NAP1L1: variants seen among roughly 807,000 people sequenced by gnomAD.
NAP1L1 encodes nucleosome assembly protein 1 like 1.
Under a neutral mutation model 58.9 loss-of-function variants are expected in NAP1L1, and 9 were observed. The observed-to-expected ratio is 0.15, with a 90% CI of 0.09 to 0.27. The LOEUF (loss-of-function observed/expected upper bound fraction) is 0.27, where lower values mean the gene tolerates loss of function less well. Ranked by LOEUF, NAP1L1 falls within the 10% of genes least tolerant of loss-of-function variation. The pLI, the probability that NAP1L1 is intolerant of heterozygous loss-of-function variation, is 1.00. For synonymous variants in NAP1L1, 130 were observed against 138.3 expected (o/e 0.94, Z 0.42); for missense variants, 302 against 458.8 (o/e 0.66, Z 3.12).
At chr12:76,083,652 A>G (rs1235869373) in intron 1 of NAP1L1, among the ~76,000 whole-genome samples, 1 of 152,036 alleles carries the variant, frequency 6.6e-6, no homozygotes, top group African/African-American at 2.4e-5. Flanking sequence ...CACAATAACA[A>G]CCTTTTGCTA....
At position 76,071,267 on chromosome 12, in the gene NAP1L1, A is replaced by G. The variant is rs58750945; in HGVS notation, c.18-2273T>C. Among the ~76,000 whole-genome samples the G allele has an allele frequency of 8.3e-3, 1,257 of 152,238 alleles. 16 individuals are homozygous for G. Among genetic ancestry groups the G allele is most frequent in the African/African-American group, 0.028 (1,183 of 41,544 alleles). On this transcript the variant is annotated intron_variant, in intron 2 of 14. Coordinates refer to ENST00000618691, the MANE Select transcript of NAP1L1 (RefSeq NM_004537.7). ...TTTACTGACTCTGGTTTTCAAGCAC[A>G]AGACTCCCCTCTGACTTCCACCCTC... is the stretch of plus-strand genomic sequence containing the variant.
rs1428448020 is a variant in NAP1L1 at position 76,055,486 on chromosome 12, G to A, written c.559-396C>T. On this transcript the variant is annotated intron_variant, in intron 7 of 14. Transcript: ENST00000618691. ...TTGTAATAAGCAGTAATTGTGTGAAGATCATTTCTTTTTCTCCATGTAACT... is the reference window on the plus strand; with the variant it reads ...TTGTAATAAGCAGTAATTGTGTGAAAATCATTTCTTTTTCTCCATGTAACT... 3.3e-5 allele frequency among the ~76,000 whole-genome samples: 5 copies of A among 152,268 alleles called. 1 individual carries two copies. The East Asian group carries it at 9.6e-4, about 29-fold the overall frequency.
In NAP1L1 at chr12:76,067,586, A is replaced by G. The variant is rs886417242; in HGVS notation, c.104-113T>C. 5.4e-6 allele frequency: 4 copies of G among 737,976 alleles called. No individual in the cohort carries two copies. The East Asian group carries it at 1.1e-4, about 20-fold the overall frequency. The allele number at this position is 737,976 out of a possible 1,614,324, so 45.7% of individuals were successfully genotyped here. On this transcript the variant is annotated intron_variant, in intron 3 of 14. Transcript: ENST00000618691. The stretch of plus-strand genomic sequence containing the variant: ...CCTAACTGGCCCATAAATTGCTGGT[A>G]TATCTAATGAGTAGAGACGGGCAGG...
chr12:76,074,951 C>T (rs1293936421), intron 1 of NAP1L1, among the ~76,000 whole-genome samples: 2 of 152,098 alleles, frequency 1.3e-5, no homozygotes, highest in East Asian at 3.8e-4. Flanking sequence ...GGTTACCAGA[C>T]CTGAGTAAGT....
At chr12:76,049,830 C>T (rs1308571463) in intron 12 of NAP1L1, 45 bp from the exon 13 acceptor site, 3 of 1,599,080 alleles carry the variant, frequency 1.9e-6, no homozygotes, top group Admixed American at 1.7e-5. Context: ...ATGTAACACA[C>T]ATTTCAGAGT....
chr12:76,043,868 T>G lies in NAP1L1; in HGVS notation c.*4561A>C, dbSNP rs1948573855. On this transcript the variant is annotated 3_prime_UTR_variant, in exon 15 of 15. Transcript: ENST00000618691. ...ATTTACCAGAGCCGCAATTGCCTAA[T>G]ACATTATGAATGATAAAATTATGAA... is the stretch of plus-strand genomic sequence containing the variant. The G allele has an allele frequency of 6.6e-6, 1 of 152,238 alleles. No homozygotes were observed. Among genetic ancestry groups the G allele is most frequent in the Non-Finnish European group, 1.5e-5 (1 of 68,042 alleles). 9.4% of individuals were successfully genotyped at this position (152,238 alleles called of 1,614,324 possible). A position where few individuals can be genotyped will look rare whatever the true frequency, so the allele number is the denominator to read the frequency against.
At chr12:76,081,899 C>T (rs1361203641) in intron 1 of NAP1L1, among the ~76,000 whole-genome samples, 2 of 152,186 alleles carry the variant, frequency 1.3e-5, no homozygotes, top group Non-Finnish European at 2.9e-5. Flanking sequence ...CGCTGTATTA[C>T]TCTTTGACCC....
chr12:76,070,276 C>G (rs898102868), intron 2 of NAP1L1, among the ~76,000 whole-genome samples: 2 of 152,190 alleles, frequency 1.3e-5, no homozygotes, highest in African/African-American at 4.8e-5. Flanking sequence ...GAGTGCGCCA[C>G]TGCACCTGGC....
intron 6 of NAP1L1, among the ~76,000 whole-genome samples, chr12:76,058,701 T>C (rs548631369): frequency 6.7e-6 from 1 of 149,356 alleles, no homozygotes; most frequent in African/African-American, 2.6e-5. Flanking sequence ...CTTTCTCTCT[T>C]TTTATTTTTT....
intron 1 of NAP1L1, among the ~76,000 whole-genome samples, chr12:76,075,206 C>G (rs1950126583): frequency 6.6e-6 from 1 of 152,010 alleles, no homozygotes. Flanking sequence ...AGCCTGTAAT[C>G]CCAGCTGCCC....
At chr12:76,075,194 CGAGCCTGTAATCCCAGCTGCCCAA>C (rs1432776834) in intron 1 of NAP1L1, among the ~76,000 whole-genome samples, 28 of 152,154 alleles carry the variant, frequency 1.8e-4, no homozygotes, top group East Asian at 1.2e-3. Context: ...CACAGTGGCA[CGAGCCTGTAATCCCAGCTGCCCAA>C]GAGCCTGTAA....
In NAP1L1 at chr12:76,036,606, A is replaced by C. The variant is rs1289683741; in HGVS notation, c.*11823T>G. 2.6e-5 allele frequency: 4 copies of C among 152,066 alleles called. No individual in the cohort carries two copies. Among genetic ancestry groups the C allele is most frequent in the Admixed American group, 1.3e-4 (2 of 15,278 alleles). 9.4% of individuals were successfully genotyped at this position (152,066 alleles called of 1,614,324 possible). A position where few individuals can be genotyped will look rare whatever the true frequency, so the allele number is the denominator to read the frequency against. On this transcript the variant is annotated 3_prime_UTR_variant, in exon 15 of 15. Transcript: ENST00000618691. ...GAACTTGGAAAGTTATTAAGTGTTT[A>C]ATTCATAATGATTACAAAATTCTGA...
chr12:76,058,095 G>T, intron 6 of NAP1L1: 1 of 753,024 alleles, frequency 1.3e-6, no homozygotes, highest in South Asian at 1.4e-5. Flanking sequence ...AGTAGATGAT[G>T]ACAGCATCGA....
chr12:76,079,472 C>T (rs561081170), intron 1 of NAP1L1, among the ~76,000 whole-genome samples: 1 of 152,216 alleles, frequency 6.6e-6, no homozygotes, highest in African/African-American at 2.4e-5. Flanking sequence ...TGCACTTCAA[C>T]ATACCTCCTT....
intron 6 of NAP1L1, 108 bp from the exon 7 acceptor site, chr12:76,056,269 G>T: frequency 8.8e-7 from 1 of 1,141,314 alleles, no homozygotes; most frequent in Non-Finnish European, 1.2e-6. Context: ...TACCTTCAAA[G>T]TTCTAGTCTA....
At chr12:76,074,408 T>G in intron 1 of NAP1L1, 169 bp from the exon 2 acceptor site, 1 of 961,666 alleles carries the variant, frequency 1.0e-6, no homozygotes, top group East Asian at 1.1e-4. Context: ...AACATGCAAA[T>G]TCTTCCTTAC....
Position 76,045,694 on chromosome 12 carries a change from T to C in NAP1L1, c.*2735A>G, listed in dbSNP as rs892322232. The C allele has an allele frequency of 1.2e-4, 19 of 152,206 alleles. No homozygotes were observed. The highest frequency in any genetic ancestry group is 3.8e-4 in the African/African-American group (16 of 41,572). The allele number at this position is 152,206 out of a possible 1,614,324, so 9.4% of individuals were successfully genotyped here. A position where few individuals can be genotyped will look rare whatever the true frequency, so the allele number is the denominator to read the frequency against. ...CTAATTTAAGAATCCTAAGAAATTA[T>C]ATATGTGGCTTTCAGACATCCATGT... On this transcript the variant is annotated 3_prime_UTR_variant, in exon 15 of 15. Transcript: ENST00000618691.
rs1949015757 is a variant in NAP1L1 at position 76,055,006 on chromosome 12, A to G, written c.630+13T>C. Reference sequence around the variant, plus strand: ...CATGTTACAAAATTATAAATATTTCAAAGTTCTTTTACCATAGGCTGGCCA... The same window carrying G: ...CATGTTACAAAATTATAAATATTTCGAAGTTCTTTTACCATAGGCTGGCCA... On this transcript the variant is annotated intron_variant, in intron 8 of 14. Coordinates refer to ENST00000618691, the MANE Select transcript of NAP1L1 (RefSeq NM_004537.7). 19 of 1,578,116 alleles carry G rather than the reference A, an allele frequency of 1.2e-5. No individual in the cohort carries two copies. The highest frequency in any genetic ancestry group is 1.6e-5 in the Non-Finnish European group (19 of 1,161,492).
intron 4 of NAP1L1, among the ~76,000 whole-genome samples, chr12:76,060,762 G>A (rs1488747456): frequency 1.3e-5 from 2 of 152,132 alleles, no homozygotes; most frequent in Admixed American, 6.5e-5. Flanking sequence ...AAATACAAGT[G>A]TAACATACTA....
Sources: allele counts gnomAD v4.1 joint callset (sites outside exome capture counted in the v4.1 genomes callset), GRCh38; gene constraint gnomAD v4.1.1; transcripts MANE v1.5; gene names NCBI Gene and HGNC (gene_info 2026-07-23, HGNC 2026-07-21).